FOXN3: variants seen among roughly 807,000 people sequenced by gnomAD.
FOXN3 encodes the protein forkhead box N3, also known as forkhead box protein N3.
In FOXN3, 7 loss-of-function variants were observed where a neutral mutation model predicts 38.4. That is an observed-to-expected ratio of 0.18 (90% CI 0.10 to 0.34). FOXN3 has a LOEUF of 0.34. Ranked by LOEUF, FOXN3 falls within the 10% of genes least tolerant of loss-of-function variation. FOXN3 has a pLI of 1.00. For synonymous variants in FOXN3, 230 were observed against 242.2 expected (o/e 0.95, Z 0.47); for missense variants, 456 against 613.4 (o/e 0.74, Z 2.71).
intron 3 of FOXN3, among the ~76,000 whole-genome samples, chr14:89,312,853 T>C (rs897176508): frequency 6.6e-6 from 1 of 152,184 alleles, no homozygotes; most frequent in African/African-American, 2.4e-5. Flanking sequence ...CCTCAACCCA[T>C]ATCCTCTGTG....
intron 4 of FOXN3, among the ~76,000 whole-genome samples, chr14:89,205,551 C>A (rs554472978): frequency 6.6e-6 from 1 of 152,228 alleles, no homozygotes; most frequent in Non-Finnish European, 1.5e-5. Flanking sequence ...ACACATCGAC[C>A]GACACCAACA....
intron 1 of FOXN3, among the ~76,000 whole-genome samples, chr14:89,608,632 T>C (rs1038618095): frequency 1.3e-5 from 2 of 152,128 alleles, no homozygotes; most frequent in African/African-American, 2.4e-5. Context: ...AAACCTTGCC[T>C]CCAACAGCAG....
In FOXN3 at chr14:89,328,146, T is replaced by C. The variant is rs557394799; in HGVS notation, c.680+22526A>G. Among the ~76,000 whole-genome samples the C allele has an allele frequency of 1.5e-4, 23 of 152,376 alleles. No homozygotes were observed. In the South Asian group the frequency reaches 3.9e-3, roughly 26 times the overall value. On this transcript the variant is annotated intron_variant, in intron 3 of 5. Coordinates refer to ENST00000557258, the MANE Select transcript of FOXN3 (RefSeq NM_005197.4). Reference sequence around the variant, plus strand: ...ACCGAAAGCAAGTCTCATGTTACATTAGATTTGTTTACAAGTCCATCTTTC... The same window carrying C: ...ACCGAAAGCAAGTCTCATGTTACATCAGATTTGTTTACAAGTCCATCTTTC...
chr14:89,493,237 T>G (rs1893617483), intron 1 of FOXN3, among the ~76,000 whole-genome samples: 1 of 152,180 alleles, frequency 6.6e-6, no homozygotes. Context: ...AATCGAATAA[T>G]GGGCATAAAT....
At chr14:89,436,884 C>T (rs1318730927) in intron 1 of FOXN3, among the ~76,000 whole-genome samples, 1 of 152,224 alleles carries the variant, frequency 6.6e-6, no homozygotes, top group Non-Finnish European at 1.5e-5. Context: ...CGGTGGCTCA[C>T]ACCTGTAATC....
Position 89,162,861 on chromosome 14 carries a change from G to A in FOXN3, c.960C>T (p.Ser320=). 6.2e-7 allele frequency: 1 copy of A among 1,611,768 alleles called. No homozygotes were observed. The highest frequency in any genetic ancestry group is 1.1e-5 in the South Asian group (1 of 91,058). The change falls in exon 6 of 6, where the codon TCC becomes TCT. Residue 320 remains serine, a synonymous_variant. Transcript: ENST00000557258. The surrounding 1 kb of genome is among the most constrained non-coding windows in gnomAD (Gnocchi z 7.2). ...TGGGCGAGGTGCTCCGGGCGTTGGAGGACTTGGCACTGCTGTAGTTGTGAT... is the reference window on the plus strand; with the variant it reads ...TGGGCGAGGTGCTCCGGGCGTTGGAAGACTTGGCACTGCTGTAGTTGTGAT... ...KEDHNYSSAK[S]SNARSTSPTS...
intron 3 of FOXN3, among the ~76,000 whole-genome samples, chr14:89,298,131 T>C (rs533560291): frequency 7.2e-5 from 11 of 152,302 alleles, no homozygotes; most frequent in African/African-American, 2.6e-4. Flanking sequence ...AACCCTCACA[T>C]ACGTTATAAC....
chr14:89,360,509 G>A (rs1350316237), intron 2 of FOXN3, among the ~76,000 whole-genome samples: 10 of 144,218 alleles, frequency 6.9e-5, no homozygotes, highest in African/African-American at 2.1e-4. Flanking sequence ...AGGGAAAAAC[G>A]GTGAGAGAGA....
intron 2 of FOXN3, among the ~76,000 whole-genome samples, chr14:89,384,046 C>T (rs1341644037): frequency 3.3e-5 from 5 of 152,166 alleles, no homozygotes; most frequent in African/African-American, 1.2e-4. Flanking sequence ...CAGCCCACTA[C>T]AGTGATAACA....
intron 4 of FOXN3, among the ~76,000 whole-genome samples, chr14:89,181,894 CTT>C (rs1393902172): frequency 6.6e-6 from 1 of 152,176 alleles, no homozygotes; most frequent in East Asian, 1.9e-4. Context: ...TCTGAGTTCT[CTT>C]GTGTGACTCT....
chr14:89,291,467 G>C (rs577043914), intron 3 of FOXN3: 53 of 606,978 alleles, frequency 8.7e-5, no homozygotes, highest in Non-Finnish European at 4.8e-5. Flanking sequence ...CACGGAGGGT[G>C]CCACACCTCC....
chr14:89,415,255 A>G (rs1891662503), intron 1 of FOXN3, among the ~76,000 whole-genome samples: 1 of 152,214 alleles, frequency 6.6e-6, no homozygotes, highest in Non-Finnish European at 1.5e-5. Flanking sequence ...CATGGCTGAC[A>G]GTAAAGTAAT....
chr14:89,520,017 C>CTT (rs56854196), intron 1 of FOXN3, among the ~76,000 whole-genome samples: 5 of 132,444 alleles, frequency 3.8e-5, no homozygotes, highest in African/African-American at 1.1e-4. Context: ...TTCTTTTTTT[C>CTT]TTTTTTTTTT....
At chr14:89,207,663 G>C (rs778592807) in intron 4 of FOXN3, among the ~76,000 whole-genome samples, 1 of 152,048 alleles carries the variant, frequency 6.6e-6, no homozygotes, top group Non-Finnish European at 1.5e-5. Context: ...TGTTTTTTGT[G>C]ATATATTTGA....
At chr14:89,254,082 A>T (rs1261982953) in intron 4 of FOXN3, among the ~76,000 whole-genome samples, 2 of 152,160 alleles carry the variant, frequency 1.3e-5, no homozygotes, top group African/African-American at 4.8e-5. Context: ...ACATACTAAC[A>T]ACATGACATG....
At chr14:89,314,921 GC>G (rs1241027649) in intron 3 of FOXN3, among the ~76,000 whole-genome samples, 14 of 152,168 alleles carry the variant, frequency 9.2e-5, no homozygotes, top group African/African-American at 3.1e-4. Context: ...CATAAACTCA[GC>G]CTAAAAGAAT....
At chr14:89,551,490 C>T (rs182669485) in intron 1 of FOXN3, among the ~76,000 whole-genome samples, 332 of 152,200 alleles carry the variant, frequency 2.2e-3, no homozygotes, top group Non-Finnish European at 3.7e-3. Context: ...CTCACAGCCC[C>T]GACAAAAAAG....
intron 1 of FOXN3, among the ~76,000 whole-genome samples, chr14:89,541,083 C>T (rs1894783099): frequency 6.6e-6 from 1 of 152,140 alleles, no homozygotes; most frequent in Non-Finnish European, 1.5e-5. Context: ...TACATTGTGT[C>T]ATTGGAAGCT....
At chr14:89,505,745 G>C (rs1403705130) in intron 1 of FOXN3, among the ~76,000 whole-genome samples, 1 of 151,650 alleles carries the variant, frequency 6.6e-6, no homozygotes, top group African/African-American at 2.4e-5. Flanking sequence ...CATCGTCTGG[G>C]ATGTGAGGAG....
Sources: gnomAD v4.1 joint callset for allele counts (sites outside exome capture counted in the v4.1 genomes callset) on GRCh38, gnomAD v4.1.1 for gene constraint, Gnocchi (gnomAD v3.1) non-coding constraint, MANE v1.5 for transcripts, NCBI Gene and HGNC (gene_info 2026-07-23, HGNC 2026-07-21) for gene names.